The following TTC28 variants were observed in gnomAD, a reference collection of about 807,000 sequenced individuals.
The protein encoded by TTC28 is tetratricopeptide repeat protein 28.
TTC28 carries 61 observed loss-of-function variants against 198.0 expected under a neutral mutation model. The ratio of observed to expected loss-of-function variants is 0.31; its 90% CI spans 0.25 to 0.38. The LOEUF is 0.38. TTC28 is among the 10% of genes least tolerant of loss of function. The pLI, the probability that TTC28 is intolerant of heterozygous loss-of-function variation, is 1.00. For synonymous variants in TTC28, 1,171 were observed against 1,297.8 expected, an observed-to-expected ratio of 0.90 and a Z score of 2.10; for missense variants, 2,678 against 3,164.0, an observed-to-expected ratio of 0.85 and a Z score of 3.69.
intron 6 of TTC28, among the ~76,000 whole-genome samples, chr22:28,124,888 G>C (rs1475486238): frequency 2.0e-5 from 3 of 152,174 alleles, no homozygotes; most frequent in Admixed American, 2.0e-4. Flanking sequence ...CCCCAATTCA[G>C]AAAAGATGTA....
intron 16 of TTC28, 161 bp downstream of exon 16, chr22:27,998,379 G>T: frequency 2.5e-6 from 3 of 1,214,544 alleles, no homozygotes; most frequent in Non-Finnish European, 3.3e-6. Flanking sequence ...AAACTCATTT[G>T]GCAGAAGCAA....
intron 14 of TTC28, among the ~76,000 whole-genome samples, chr22:28,012,078 C>T (rs138669): frequency 2.0e-5 from 3 of 151,998 alleles, no homozygotes; most frequent in African/African-American, 4.8e-5. Flanking sequence ...GGCCTCAGGG[C>T]GAGCAGGAGG....
chr22:28,078,185 C>A (rs1460472948), intron 12 of TTC28, among the ~76,000 whole-genome samples: 1 of 152,120 alleles, frequency 6.6e-6, no homozygotes, highest in Admixed American at 6.5e-5. Context: ...ATTTTACTTC[C>A]TTTCGGCAGC....
At chr22:28,207,890 GGA>G (rs1926569907) in intron 5 of TTC28, among the ~76,000 whole-genome samples, 1 of 152,038 alleles carries the variant, frequency 6.6e-6, no homozygotes, top group Non-Finnish European at 1.5e-5. Flanking sequence ...AAAAGGGTGT[GGA>G]GTATGAGGTA....
chr22:28,619,735 G>A (rs951306121), intron 2 of TTC28, among the ~76,000 whole-genome samples: 4 of 152,120 alleles, frequency 2.6e-5, no homozygotes, highest in African/African-American at 4.8e-5. Context: ...GAGGCACTAC[G>A]AAGAATAAAA....
chr22:28,155,796 T>C (rs935808064), intron 6 of TTC28, among the ~76,000 whole-genome samples: 2 of 152,210 alleles, frequency 1.3e-5, no homozygotes, highest in African/African-American at 4.8e-5. Context: ...ACAGCCTTCA[T>C]TTAGGGTGAG....
At chr22:28,646,609 A>T (rs2051471528) in intron 1 of TTC28, among the ~76,000 whole-genome samples, 1 of 152,176 alleles carries the variant, frequency 6.6e-6, no homozygotes, top group Admixed American at 6.6e-5. Flanking sequence ...TCACACCTGT[A>T]ATCCCAGCAC....
intron 6 of TTC28, among the ~76,000 whole-genome samples, chr22:28,152,680 T>G (rs905763266): frequency 2.6e-5 from 4 of 152,362 alleles, no homozygotes; most frequent in African/African-American, 9.6e-5. Flanking sequence ...AGAGGTTATT[T>G]AGAATATGAC....
At chr22:28,259,972 CACA>C (rs1013728395) in intron 5 of TTC28, among the ~76,000 whole-genome samples, 11 of 152,250 alleles carry the variant, frequency 7.2e-5, no homozygotes, top group Admixed American at 2.6e-4. Flanking sequence ...TTCCTCTAAT[CACA>C]ACAAGTCAAC....
Position 28,387,901 on chromosome 22 carries a change from A to C in TTC28, c.382-81258T>G, listed in dbSNP as rs193301437. ...TGGTTGCCATTGCTTTTGGTGTTTTAGACACGAAGTCCTTACCCATGCCTA... is the reference window on the plus strand; with the variant it reads ...TGGTTGCCATTGCTTTTGGTGTTTTCGACACGAAGTCCTTACCCATGCCTA... On this transcript the variant is annotated intron_variant, in intron 2 of 22. Coordinates refer to ENST00000397906, the MANE Select transcript of TTC28 (RefSeq NM_001145418.2). Among the ~76,000 whole-genome samples the C allele has an allele frequency of 7.0e-4, 107 of 152,324 alleles. 1 individual carries two copies. Among genetic ancestry groups the C allele is most frequent in the African/African-American group, 2.5e-3 (102 of 41,574 alleles).
chr22:28,237,138 C>T (rs190417539), intron 5 of TTC28, among the ~76,000 whole-genome samples: 12 of 152,214 alleles, frequency 7.9e-5, no homozygotes, highest in African/African-American at 1.2e-4. Flanking sequence ...CATGTGCTCT[C>T]GCTCGCTGGT....
intron 2 of TTC28, among the ~76,000 whole-genome samples, chr22:28,395,274 T>C (rs1453625485): frequency 1.3e-5 from 2 of 152,186 alleles, no homozygotes; most frequent in Non-Finnish European, 2.9e-5. Context: ...TTAATCTTCC[T>C]CCCTTCCTTT....
At chr22:28,117,182 G>A (rs1472028302) in intron 6 of TTC28, among the ~76,000 whole-genome samples, 1 of 152,208 alleles carries the variant, frequency 6.6e-6, no homozygotes. Context: ...TCATCAACTT[G>A]CAGAAGCTAT....
At chr22:28,314,742 A>G (rs1473155151) in intron 2 of TTC28, among the ~76,000 whole-genome samples, 2 of 152,126 alleles carry the variant, frequency 1.3e-5, no homozygotes, top group African/African-American at 4.8e-5. Flanking sequence ...ATGTAGTGGC[A>G]TGTGCCTGTA....
intron 2 of TTC28, among the ~76,000 whole-genome samples, chr22:28,567,463 C>T (rs11705481): frequency 0.18 from 17,012 of 93,710 alleles, 1,939 homozygotes; most frequent in Non-Finnish European, 0.27. Flanking sequence ...ACACACCACA[C>T]GCATATACAT....
chr22:28,003,746 ACT>A (rs1937810431), intron 14 of TTC28, among the ~76,000 whole-genome samples: 2 of 152,160 alleles, frequency 1.3e-5, no homozygotes, highest in Admixed American at 1.3e-4. Flanking sequence ...AACTCTGCTA[ACT>A]CTGCCCACGA....
intron 12 of TTC28, among the ~76,000 whole-genome samples, chr22:28,086,792 GA>G (rs1440224819): frequency 6.6e-6 from 1 of 151,876 alleles, no homozygotes; most frequent in Non-Finnish European, 1.5e-5. Flanking sequence ...AAAGAGAGAA[GA>G]ATCAAATAGA....
intron 12 of TTC28, among the ~76,000 whole-genome samples, chr22:28,032,073 A>T (rs1303560131): frequency 6.6e-6 from 1 of 151,078 alleles, no homozygotes; most frequent in East Asian, 1.9e-4. Context: ...CCACAACCAC[A>T]TGAACCAATT....
chr22:28,408,099 T>G (rs1297187550), intron 2 of TTC28, among the ~76,000 whole-genome samples: 1 of 152,156 alleles, frequency 6.6e-6, no homozygotes, highest in Non-Finnish European at 1.5e-5. Context: ...CACATTTTTA[T>G]AGAGTAGACT....
Sources: gnomAD v4.1 joint callset for allele counts (sites outside exome capture counted in the v4.1 genomes callset) on GRCh38, gnomAD v4.1.1 for gene constraint, MANE v1.5 for transcripts, NCBI Gene and HGNC (gene_info 2026-07-23, HGNC 2026-07-21) for gene names.